AKT3: variants seen among roughly 807,000 people sequenced by gnomAD.
The protein encoded by AKT3 is AKT serine/threonine kinase 3.
AKT3 carries 15 observed loss-of-function variants against 65.3 expected under a neutral mutation model. That is an observed-to-expected ratio of 0.23 (90% CI 0.15 to 0.35). The LOEUF is 0.35. Among genes scored for constraint, AKT3 ranks in the 10% least tolerant of loss-of-function variants. The pLI is 1.00. For synonymous variants in AKT3, 206 were observed against 183.8 expected, an observed-to-expected ratio of 1.12 and a Z score of -0.98; for missense variants, 243 against 576.5, an observed-to-expected ratio of 0.42 and a Z score of 5.92.
At chr1:243,558,889 CTT>C (rs1673585080) in intron 10 of AKT3, among the ~76,000 whole-genome samples, 1 of 152,022 alleles carries the variant, frequency 6.6e-6, no homozygotes, top group African/African-American at 2.4e-5. Flanking sequence ...GCACTTAACA[CTT>C]TTAATTTTGT....
At chr1:243,624,051 G>A (rs553438084) in intron 6 of AKT3, among the ~76,000 whole-genome samples, 1 of 152,200 alleles carries the variant, frequency 6.6e-6, no homozygotes, top group South Asian at 2.1e-4. Flanking sequence ...TGTGAGTCAT[G>A]ACTCACTGAG....
rs138587954 is a variant in AKT3, at chr1:243,842,039, C to T, written c.46+1086G>A. The stretch of plus-strand genomic sequence containing the variant: ...TGGGCTGCAAGGGAGAACAAAGGAA[C>T]CTCTCGGGTTAATGAAAATAACCAC... On this transcript the variant is annotated intron_variant, in intron 2 of 13. Coordinates refer to ENST00000673466, the MANE Select transcript of AKT3 (RefSeq NM_005465.7). 5.3e-5 allele frequency among the ~76,000 whole-genome samples: 8 copies of T among 152,220 alleles called. No individual in the cohort carries two copies. In the East Asian group the frequency reaches 7.7e-4, roughly 15 times the overall value.
At chr1:243,527,922 CACACACACACACACAGAGAG>C (rs1472101297) in intron 12 of AKT3, among the ~76,000 whole-genome samples, 19 of 89,816 alleles carry the variant, frequency 2.1e-4, no homozygotes, top group Admixed American at 6.3e-4. Flanking sequence ...CACACACACA[CACACACACACACACAGAGAG>C]AGAGAGAGAG....
intron 10 of AKT3, among the ~76,000 whole-genome samples, chr1:243,560,125 G>A (rs544756890): frequency 2.6e-5 from 4 of 152,016 alleles, no homozygotes; most frequent in South Asian, 2.1e-4. Context: ...TTCCACTGCC[G>A]GACCCTCCCT....
At chr1:243,618,244 G>GTT (rs930962105) in intron 6 of AKT3, among the ~76,000 whole-genome samples, 1 of 152,038 alleles carries the variant, frequency 6.6e-6, no homozygotes, top group Non-Finnish European at 1.5e-5. Flanking sequence ...AGCAAAAACA[G>GTT]TATTTGTTAT....
chr1:243,741,989 A>T (rs1487839645), intron 2 of AKT3, among the ~76,000 whole-genome samples: 1 of 151,062 alleles, frequency 6.6e-6, no homozygotes, highest in Non-Finnish European at 1.5e-5. Flanking sequence ...CATAATCCTC[A>T]GTTTGTGATA....
intron 2 of AKT3, among the ~76,000 whole-genome samples, chr1:243,817,195 T>C (rs1275996754): frequency 6.6e-6 from 1 of 152,112 alleles, no homozygotes; most frequent in Non-Finnish European, 1.5e-5. Context: ...GCTACCCTTC[T>C]AAGTGCACCC....
intron 2 of AKT3, among the ~76,000 whole-genome samples, chr1:243,831,236 T>C (rs1290597864): frequency 1.3e-5 from 2 of 152,150 alleles, no homozygotes; most frequent in Non-Finnish European, 2.9e-5. Context: ...CTGTACAAAA[T>C]ATAAAGTTGT....
chr1:243,740,092 G>A (rs1019642153), intron 2 of AKT3, among the ~76,000 whole-genome samples: 7 of 152,224 alleles, frequency 4.6e-5, no homozygotes, highest in South Asian at 2.1e-4. Context: ...ACATGTGGCC[G>A]GAAGAGAAGG....
chr1:243,505,177 G>T lies in AKT3; in HGVS notation c.*72C>A. 7.1e-7 allele frequency: 1 copy of T among 1,415,958 alleles called. No individual in the cohort carries two copies. The highest frequency in any genetic ancestry group is 9.9e-7 in the Non-Finnish European group (1 of 1,005,992). 87.7% of individuals were successfully genotyped at this position (1,415,958 alleles called of 1,614,324 possible). On this transcript the variant is annotated 3_prime_UTR_variant, in exon 14 of 14. Transcript: ENST00000673466. ...TGCCCCTGCTATGTGTAAGAGCTAG[G>T]ACTGGTGATGTCCAGGAATCATTTT...
At chr1:243,653,056 C>T (rs987179826) in intron 4 of AKT3, among the ~76,000 whole-genome samples, 2 of 151,852 alleles carry the variant, frequency 1.3e-5, no homozygotes, top group Non-Finnish European at 2.9e-5. Flanking sequence ...ATCAATGAAT[C>T]CAGGAGCTGG....
rs145692714 is a variant in AKT3, at chr1:243,519,576, A to G, written c.1252-7150T>C. On this transcript the variant is annotated intron_variant, in intron 12 of 13. Transcript: ENST00000673466. ...CAGGAGAATGATAACACCTGATTAT[A>G]AGCACTTGGAGAAAGTTGGCCAAAG... is the stretch of plus-strand genomic sequence containing the variant. 2.3e-3 allele frequency among the ~76,000 whole-genome samples: 345 copies of G among 152,254 alleles called. 1 individual carries two copies. Among genetic ancestry groups the G allele is most frequent in the African/African-American group, 8.1e-3 (335 of 41,552 alleles).
At chr1:243,812,867 T>C (rs540220118) in intron 2 of AKT3, among the ~76,000 whole-genome samples, 4 of 152,016 alleles carry the variant, frequency 2.6e-5, no homozygotes, top group Non-Finnish European at 5.9e-5. Context: ...ATGTCCTTTG[T>C]AGGGACATGG....
At chr1:243,814,053 A>T (rs1693359922) in intron 2 of AKT3, among the ~76,000 whole-genome samples, 1 of 152,172 alleles carries the variant, frequency 6.6e-6, no homozygotes, top group Non-Finnish European at 1.5e-5. Context: ...CCAAGCTTTG[A>T]TCCACTCCAG....
intron 8 of AKT3, 79 bp from the exon 9 acceptor site, chr1:243,573,127 C>G: frequency 6.7e-7 from 1 of 1,486,230 alleles, no homozygotes; most frequent in Non-Finnish European, 9.3e-7. Flanking sequence ...TAAAACACCT[C>G]TCATCACCAT....
At chr1:243,567,695 C>T (rs2148496252) in intron 9 of AKT3, among the ~76,000 whole-genome samples, 1 of 152,088 alleles carries the variant, frequency 6.6e-6, no homozygotes, top group Non-Finnish European at 1.5e-5. Context: ...TCTTCTCTCA[C>T]CATCCTAAAA....
intron 2 of AKT3, among the ~76,000 whole-genome samples, chr1:243,713,934 C>T (rs974488469): frequency 2.6e-5 from 4 of 151,912 alleles, no homozygotes; most frequent in Admixed American, 2.6e-4. Flanking sequence ...ATAAAAAAGT[C>T]CGACAGCCTC....
intron 2 of AKT3, among the ~76,000 whole-genome samples, chr1:243,798,915 C>T (rs1692213995): frequency 6.6e-6 from 1 of 152,180 alleles, no homozygotes; most frequent in South Asian, 2.1e-4. Flanking sequence ...TAATCTTGCT[C>T]CTCCTTTTAG....
intron 12 of AKT3, among the ~76,000 whole-genome samples, chr1:243,533,945 G>A (rs1348135211): frequency 3.9e-5 from 6 of 152,108 alleles, no homozygotes; most frequent in Admixed American, 2.6e-4. Context: ...AGCCCAGATT[G>A]TGCCACTGCA....
Sources: allele counts gnomAD v4.1 joint callset (sites outside exome capture counted in the v4.1 genomes callset), GRCh38; gene constraint gnomAD v4.1.1; transcripts MANE v1.5; gene names NCBI Gene and HGNC (gene_info 2026-07-23, HGNC 2026-07-21).